The following WIPF1 variants were observed in gnomAD, a reference collection of about 807,000 sequenced individuals.
WIPF1 encodes WAS/WASL-interacting protein family member 1.
Under a neutral mutation model 35.4 loss-of-function variants are expected in WIPF1, and 13 were observed. The observed-to-expected ratio is 0.37, with a 90% CI of 0.24 to 0.58. The LOEUF (loss-of-function observed/expected upper bound fraction) is 0.58, where lower values mean the gene tolerates loss of function less well. Among genes scored for constraint, WIPF1 ranks in the 20% least tolerant of loss-of-function variants. The probability of loss-of-function intolerance (pLI) is 0.74; values close to 1 mark genes in which losing one functional copy is unlikely to be tolerated. For synonymous variants in WIPF1, 267 were observed against 266.3 expected (o/e 1.00, Z -0.02); for missense variants, 591 against 667.0 (o/e 0.89, Z 1.25).
chr2:174,612,903 G>A (rs1394528983), intron 1 of WIPF1, among the ~76,000 whole-genome samples: 3 of 152,320 alleles, frequency 2.0e-5, no homozygotes, highest in Non-Finnish European at 4.4e-5. Flanking sequence ...TAGACTGACT[G>A]GGTGGAAGGC....
At chr2:174,626,473 T>C (rs796616742) in intron 1 of WIPF1, among the ~76,000 whole-genome samples, 7 of 152,324 alleles carry the variant, frequency 4.6e-5, no homozygotes, top group African/African-American at 1.7e-4. Context: ...CATATCCAAC[T>C]GCCCACTTGA....
Position 174,562,170 on chromosome 2 carries a change from G to T in WIPF1, c.*377C>A. 6.4e-7 allele frequency: 1 copy of T among 1,550,514 alleles called. No homozygotes were observed. The highest frequency in any genetic ancestry group is 1.2e-5 in the South Asian group (1 of 84,050). ...AGAGGAGGCCAAGCATGCGAAAAAG[G>T]AACGGGAGAAAACAGCTCTCAGGGA... On this transcript the variant is annotated 3_prime_UTR_variant, in exon 8 of 8. Coordinates refer to ENST00000679041, the MANE Select transcript of WIPF1 (RefSeq NM_001375834.1).
intron 1 of WIPF1, among the ~76,000 whole-genome samples, chr2:174,639,642 A>G (rs752119459): frequency 1.4e-4 from 21 of 151,544 alleles, no homozygotes; most frequent in Non-Finnish European, 2.8e-4. Context: ...GTTTGCAAAT[A>G]TTTTCTCCCA....
intron 1 of WIPF1, chr2:174,673,864 C>G (rs1447771094): frequency 6.6e-6 from 1 of 150,874 alleles, no homozygotes; most frequent in Non-Finnish European, 1.5e-5. Context: ...TTATGGCAGA[C>G]ATCAAGCATT....
At chr2:174,600,117 T>C (rs1002893769), upstream of WIPF1, among the ~76,000 whole-genome samples, 1 of 152,172 alleles carries the variant, frequency 6.6e-6, no homozygotes, top group African/African-American at 2.4e-5. Flanking sequence ...GAACACTTGC[T>C]CACCAGCTGC....
chr2:174,564,319 C>A (rs1684576613), intron 7 of WIPF1, among the ~76,000 whole-genome samples: 1 of 152,086 alleles, frequency 6.6e-6, no homozygotes, highest in Admixed American at 6.6e-5. Flanking sequence ...ATTAATTCAC[C>A]AATTTAAAAA....
intron 1 of WIPF1, among the ~76,000 whole-genome samples, chr2:174,595,274 G>A (rs1419647053): frequency 9.5e-5 from 11 of 115,246 alleles, no homozygotes; most frequent in Non-Finnish European, 3.3e-5. Flanking sequence ...GTGGATGACA[G>A]AGCAAAACCC....
intron 1 of WIPF1, among the ~76,000 whole-genome samples, chr2:174,641,617 C>T (rs1037111788): frequency 2.6e-5 from 4 of 152,150 alleles, no homozygotes; most frequent in Non-Finnish European, 5.9e-5. Flanking sequence ...AGACAAAATG[C>T]CCAACCTTTT....
At chr2:174,654,823 C>T (rs750297340) in intron 1 of WIPF1, among the ~76,000 whole-genome samples, 6 of 152,132 alleles carry the variant, frequency 3.9e-5, no homozygotes, top group Admixed American at 2.0e-4. Flanking sequence ...GCATCACCAG[C>T]GTCTCTGACC....
chr2:174,573,807 C>T (rs922914413), intron 4 of WIPF1, among the ~76,000 whole-genome samples: 12 of 152,016 alleles, frequency 7.9e-5, no homozygotes, highest in African/African-American at 2.2e-4. Flanking sequence ...GAAGGGGTTC[C>T]GATTTTATCT....
rs564087585 is a variant in WIPF1 at position 174,649,697 on chromosome 2, C to T, written c.-39+33077G>A. Reference sequence around the variant, plus strand: ...GTGCTGTGCCTTTATATGTAGGACTCGTAAGTACAATAAATGTTGTTTTCC... The same window carrying T: ...GTGCTGTGCCTTTATATGTAGGACTTGTAAGTACAATAAATGTTGTTTTCC... On this transcript the variant is annotated intron_variant, in intron 1 of 8. Transcript: ENST00000272746. Among the ~76,000 whole-genome samples the T allele has an allele frequency of 1.2e-3, 188 of 152,232 alleles. 3 individuals carry two copies. The South Asian group carries it at 0.031, about 25-fold the overall frequency.
intron 5 of WIPF1, among the ~76,000 whole-genome samples, chr2:174,569,989 C>T (rs1684779631): frequency 6.6e-6 from 1 of 152,196 alleles, no homozygotes; most frequent in Non-Finnish European, 1.5e-5. Context: ...CCATAGTTTA[C>T]TATGCACACT....
intron 7 of WIPF1, chr2:174,566,759 C>A: frequency 4.0e-6 from 1 of 252,358 alleles, no homozygotes; most frequent in South Asian, 9.9e-5. Context: ...TAGAAGATGG[C>A]TCTACTTGTG....
intron 1 of WIPF1, among the ~76,000 whole-genome samples, chr2:174,674,619 A>C (rs1418321511): frequency 6.6e-6 from 1 of 152,232 alleles, no homozygotes; most frequent in Non-Finnish European, 1.5e-5. Context: ...AAGAAATTAC[A>C]AAATTAAGCA....
At chr2:174,651,349 C>A (rs1687529144) in intron 1 of WIPF1, among the ~76,000 whole-genome samples, 1 of 151,978 alleles carries the variant, frequency 6.6e-6, no homozygotes, top group African/African-American at 2.4e-5. Context: ...TAAAAAAAAA[C>A]AACAAAGTAC....
intron 3 of WIPF1, 141 bp downstream of exon 3, chr2:174,581,169 G>T: frequency 1.6e-6 from 2 of 1,229,970 alleles, no homozygotes; most frequent in Non-Finnish European, 2.2e-6. Context: ...TACAGGGAGT[G>T]ATACAGTCCC....
In WIPF1 at chr2:174,608,481, T is replaced by A. The variant is rs77678512; in HGVS notation, c.-38-22870A>T. On this transcript the variant is annotated intron_variant, in intron 1 of 8. Transcript: ENST00000272746. ...TTTGAAGAGAAAATGATTTCACATG[T>A]GGAAAGACCATTCATGTTTTTTTCT... Among the ~76,000 whole-genome samples, 19 of 152,170 alleles carry A rather than the reference T, an allele frequency of 1.2e-4. No homozygotes were observed. The East Asian group carries it at 3.5e-3, about 28-fold the overall frequency.
intron 1 of WIPF1, among the ~76,000 whole-genome samples, chr2:174,657,393 T>C (rs1687663918): frequency 1.3e-5 from 2 of 152,194 alleles, no homozygotes. Context: ...GTGATAGATA[T>C]TTAAAGTAAA....
rs1390415326 is a variant in WIPF1, at chr2:174,560,941, T to C, written c.*1606A>G. On this transcript the variant is annotated 3_prime_UTR_variant, in exon 8 of 8. Transcript: ENST00000679041. Reference sequence around the variant, plus strand: ...CATGAATAACATACTGAAACCATGATACAATGTTTAGGTAGATATACATAT... The same window carrying C: ...CATGAATAACATACTGAAACCATGACACAATGTTTAGGTAGATATACATAT... 2 of 152,650 alleles carry C rather than the reference T, an allele frequency of 1.3e-5. No homozygotes were observed. The highest frequency in any genetic ancestry group is 4.8e-5 in the African/African-American group (2 of 41,462). The allele number at this position is 152,650 out of a possible 1,614,324, so 9.5% of individuals were successfully genotyped here. A position where few individuals can be genotyped will look rare whatever the true frequency, so the allele number is the denominator to read the frequency against.
Sources: allele counts gnomAD v4.1 joint callset (sites outside exome capture counted in the v4.1 genomes callset), GRCh38; gene constraint gnomAD v4.1.1; transcripts MANE v1.5; gene names NCBI Gene and HGNC (gene_info 2026-07-23, HGNC 2026-07-21).